The following GABRB1 variants were observed in gnomAD, a reference collection of about 807,000 sequenced individuals.
GABRB1 encodes the protein gamma-aminobutyric acid type A receptor subunit beta1.
A neutral mutation model predicts 51.6 loss-of-function variants in GABRB1; 17 were observed. That is an observed-to-expected ratio of 0.33 (90% CI 0.23 to 0.49). The LOEUF is 0.49. GABRB1 is among the 20% of genes least tolerant of loss of function. The probability of loss-of-function intolerance (pLI) is 0.99; values close to 1 mark genes in which losing one functional copy is unlikely to be tolerated. For synonymous variants in GABRB1, 247 were observed against 218.9 expected, an observed-to-expected ratio of 1.13 and a Z score of -1.14; for missense variants, 410 against 600.6, an observed-to-expected ratio of 0.68 and a Z score of 3.32.
chr4:47,138,415 T>C (rs1716769554), intron 3 of GABRB1, among the ~76,000 whole-genome samples: 1 of 152,058 alleles, frequency 6.6e-6, no homozygotes, highest in South Asian at 2.1e-4. Flanking sequence ...AGTAATCTTG[T>C]TCAGTCTATG....
chr4:47,353,951 C>T lies in GABRB1; in HGVS notation c.544+33742C>T, dbSNP rs374085509. ...CAACATACACACACACACAAACACA[C>T]ACACACACATTTATCTCCCAAATAT... On this transcript the variant is annotated intron_variant, in intron 5 of 8. Transcript: ENST00000295454. Among the ~76,000 whole-genome samples the T allele has an allele frequency of 1.2e-4, 19 of 152,284 alleles. No homozygotes were observed. In the South Asian group the frequency reaches 3.7e-3, roughly 30 times the overall value.
intron 3 of GABRB1, among the ~76,000 whole-genome samples, chr4:47,149,671 G>C (rs1049860264): frequency 6.6e-6 from 1 of 152,000 alleles, no homozygotes; most frequent in African/African-American, 2.4e-5. Context: ...AATTCATTTA[G>C]ATGTGTATGT....
At chr4:47,246,517 G>C (rs1721768013) in intron 4 of GABRB1, among the ~76,000 whole-genome samples, 1 of 149,324 alleles carries the variant, frequency 6.7e-6, no homozygotes, top group African/African-American at 2.5e-5. Context: ...TTCATATATT[G>C]ACTTCTTTGT....
chr4:47,198,420 TGAAG>T (rs1309907137), intron 4 of GABRB1, among the ~76,000 whole-genome samples: 1 of 152,192 alleles, frequency 6.6e-6, no homozygotes, highest in Non-Finnish European at 1.5e-5. Context: ...TAGATTGTCT[TGAAG>T]GAACTGTTGG....
At chr4:47,125,743 G>T (rs963220598) in intron 3 of GABRB1, among the ~76,000 whole-genome samples, 49 of 147,122 alleles carry the variant, frequency 3.3e-4, no homozygotes, top group African/African-American at 1.1e-3. Flanking sequence ...TTTTAGTAGA[G>T]ACGGGGTTTC....
chr4:47,284,926 CAGATAGTAACACATT>C (rs1723450929), intron 4 of GABRB1, among the ~76,000 whole-genome samples: 1 of 152,308 alleles, frequency 6.6e-6, no homozygotes, highest in Admixed American at 6.5e-5. Context: ...TAAGACGTCT[CAGATAGTAACACATT>C]AGAGTGAACA....
chr4:47,300,650 G>A (rs541322024), intron 4 of GABRB1, among the ~76,000 whole-genome samples: 166 of 152,016 alleles, frequency 1.1e-3, no homozygotes, highest in Non-Finnish European at 1.5e-3. Context: ...ATATTTGTGG[G>A]TACATTGTAG....
intron 4 of GABRB1, among the ~76,000 whole-genome samples, chr4:47,251,439 G>A (rs2109863867): frequency 6.6e-6 from 1 of 152,294 alleles, no homozygotes; most frequent in Admixed American, 6.5e-5. Flanking sequence ...CCAGGAGGTG[G>A]TGCTTTCCCA....
intron 4 of GABRB1, among the ~76,000 whole-genome samples, chr4:47,267,893 C>T (rs1414555798): frequency 3.9e-5 from 6 of 152,010 alleles, no homozygotes; most frequent in Admixed American, 2.6e-4. Context: ...TTGAAAGACT[C>T]GCCAAAATTC....
intron 4 of GABRB1, among the ~76,000 whole-genome samples, chr4:47,245,447 T>C (rs1721702848): frequency 6.6e-6 from 1 of 152,096 alleles, no homozygotes; most frequent in Admixed American, 6.6e-5. Flanking sequence ...GGAACTGAGT[T>C]TTCCTTGCTC....
chr4:47,311,430 AAAAG>A (rs1296650435), intron 4 of GABRB1, among the ~76,000 whole-genome samples: 3 of 151,650 alleles, frequency 2.0e-5, no homozygotes, highest in Admixed American at 6.6e-5. Flanking sequence ...AAAAAAAAAA[AAAAG>A]ATAGTCGATT....
At chr4:47,302,720 C>T (rs773208749) in intron 4 of GABRB1, among the ~76,000 whole-genome samples, 15 of 152,010 alleles carry the variant, frequency 9.9e-5, no homozygotes, top group East Asian at 5.8e-4. Flanking sequence ...CTCTAATTTA[C>T]GCAGTTCTTG....
At chr4:47,113,481 TA>T (rs1715325601) in intron 3 of GABRB1, among the ~76,000 whole-genome samples, 1 of 150,518 alleles carries the variant, frequency 6.6e-6, no homozygotes, top group South Asian at 2.1e-4. Context: ...TGTTAAACAA[TA>T]AATAGAAATA....
chr4:47,284,841 A>G (rs1723447341), intron 4 of GABRB1, among the ~76,000 whole-genome samples: 1 of 152,228 alleles, frequency 6.6e-6, no homozygotes, highest in South Asian at 2.1e-4. Context: ...GCAAAATAAA[A>G]CTTAAATCCT....
chr4:47,402,544 A>G (rs1180705206), intron 5 of GABRB1, among the ~76,000 whole-genome samples: 2 of 152,206 alleles, frequency 1.3e-5, no homozygotes, highest in Non-Finnish European at 2.9e-5. Flanking sequence ...TAACCCAGCT[A>G]GACCACTGCC....
intron 5 of GABRB1, among the ~76,000 whole-genome samples, chr4:47,376,668 A>G (rs1402045249): frequency 6.6e-6 from 1 of 152,140 alleles, no homozygotes; most frequent in Admixed American, 6.6e-5. Flanking sequence ...ACAAAAAAGA[A>G]GCCATAGATG....
At chr4:47,196,183 C>A (rs549644586) in intron 4 of GABRB1, among the ~76,000 whole-genome samples, 8 of 152,210 alleles carry the variant, frequency 5.3e-5, no homozygotes, top group Non-Finnish European at 8.8e-5. Context: ...CAAATATACC[C>A]TTGAGAGCTA....
intron 1 of GABRB1, among the ~76,000 whole-genome samples, chr4:47,018,288 A>G (rs188646854): frequency 2.0e-5 from 3 of 151,730 alleles, no homozygotes; most frequent in African/African-American, 7.2e-5. Flanking sequence ...ATCCACCCAC[A>G]TCAGCCTCCC....
intron 4 of GABRB1, among the ~76,000 whole-genome samples, chr4:47,165,852 A>C (rs1355936052): frequency 1.3e-5 from 2 of 152,108 alleles, no homozygotes; most frequent in African/African-American, 4.8e-5. Flanking sequence ...TCCTTTCCCA[A>C]GTGCTAATGA....
Sources: gnomAD v4.1 joint callset for allele counts (sites outside exome capture counted in the v4.1 genomes callset) on GRCh38, gnomAD v4.1.1 for gene constraint, MANE v1.5 for transcripts, NCBI Gene and HGNC (gene_info 2026-07-23, HGNC 2026-07-21) for gene names.